Variants in USP22 observed in about 807,000 individuals in gnomAD.
USP22 encodes ubiquitin specific peptidase 22, also known as ubiquitin carboxyl-terminal hydrolase 22.
In USP22, 22 loss-of-function variants were observed where a neutral mutation model predicts 68.1. The observed-to-expected ratio is 0.32, with a 90% CI of 0.23 to 0.46. The LOEUF is 0.46. Ranked by LOEUF, USP22 falls within the 20% of genes least tolerant of loss-of-function variation. The pLI is 1.00. For missense variants in USP22, 433 were observed against 695.8 expected (o/e 0.62, Z 4.25); for synonymous variants, 279 against 274.2 (o/e 1.02, Z -0.17).
intron 2 of USP22, among the ~76,000 whole-genome samples, chr17:21,023,228 T>C (rs1394903195): frequency 4.0e-5 from 6 of 151,854 alleles, no homozygotes; most frequent in Non-Finnish European, 5.9e-5. Flanking sequence ...ACAAAAAAAA[T>C]TGTCAGGTAC....
chr17:21,025,401 C>T (rs1488601364), intron 2 of USP22, among the ~76,000 whole-genome samples: 2 of 152,136 alleles, frequency 1.3e-5, no homozygotes, highest in Non-Finnish European at 1.5e-5. Flanking sequence ...AAAGCTTGTC[C>T]ATCACTGGTG....
rs112742181 is a variant in USP22, at chr17:21,023,835, C to T, written c.305-2609G>A. Among the ~76,000 whole-genome samples the T allele has an allele frequency of 7.1e-3, 1,079 of 152,180 alleles. 13 individuals carry two copies. The highest frequency in any genetic ancestry group is 0.024 in the African/African-American group (981 of 41,510). On this transcript the variant is annotated intron_variant, in intron 2 of 12. Coordinates refer to ENST00000261497, the MANE Select transcript of USP22 (RefSeq NM_015276.2). Reference sequence around the variant, plus strand: ...CACCTCTGAGCCTCAGTTTCCCCTGCGGTAAGATGCTGATAGCAACGGTAC... The same window carrying T: ...CACCTCTGAGCCTCAGTTTCCCCTGTGGTAAGATGCTGATAGCAACGGTAC...
intron 1 of USP22, 141 bp from the exon 2 acceptor site, chr17:21,028,815 G>C (rs1972254628): frequency 2.7e-6 from 3 of 1,110,756 alleles, no homozygotes; most frequent in East Asian, 2.7e-5. Flanking sequence ...TACTACTCTA[G>C]AGGATCAGTT....
chr17:21,007,717 A>G, intron 9 of USP22, among the ~76,000 whole-genome samples, 153 bp downstream of exon 9: 1 of 152,212 alleles, frequency 6.6e-6, no homozygotes. Context: ...CACAGATGGG[A>G]GGACAATTCC....
intron 1 of USP22, 46 bp from the exon 2 acceptor site, chr17:21,028,720 G>T: frequency 6.3e-7 from 1 of 1,597,416 alleles, no homozygotes; most frequent in Non-Finnish European, 8.5e-7. Flanking sequence ...TGATAAGACA[G>T]GGGTGCTCAG....
chr17:21,028,129 C>T (rs1283820882), intron 2 of USP22, among the ~76,000 whole-genome samples: 2 of 152,148 alleles, frequency 1.3e-5, no homozygotes, highest in Admixed American at 6.5e-5. Context: ...CAATGAAACC[C>T]ATTGCTGAAG....
chr17:21,029,940 T>C (rs1972267916), intron 1 of USP22, among the ~76,000 whole-genome samples: 1 of 152,262 alleles, frequency 6.6e-6, no homozygotes, highest in Non-Finnish European at 1.5e-5. Context: ...AGGCAGTGAC[T>C]GCACAGCAGT....
At position 21,042,674 on chromosome 17, in the gene USP22, G is replaced by A; in HGVS notation, c.162C>T (p.Arg54=). The stretch of plus-strand genomic sequence containing the variant: ...GGGCTGCCGGGCGCACCTTGCGCTT[G>A]CGGGCCTCAGCCGTGCCGCTCCACA... ...CFVWSGTAEA[R]KRKAKSCICH... The change falls in exon 1 of 13, where the codon CGC becomes CGT. Residue 54 remains arginine (R), a synonymous_variant. Coordinates refer to ENST00000261497, the MANE Select transcript of USP22 (RefSeq NM_015276.2). The A allele has an allele frequency of 7.7e-7, 1 of 1,292,952 alleles. No homozygotes were observed. Among genetic ancestry groups the A allele is most frequent in the Non-Finnish European group, 9.9e-7 (1 of 1,014,136 alleles). The allele number at this position is 1,292,952 out of a possible 1,614,324, so 80.1% of individuals were successfully genotyped here.
Position 21,002,948 on chromosome 17 carries a change from G to A in USP22, c.*83C>T. 6.5e-7 allele frequency: 1 copy of A among 1,546,182 alleles called. No homozygotes were observed. Among genetic ancestry groups the A allele is most frequent in the Non-Finnish European group, 8.8e-7 (1 of 1,131,378 alleles). Reference sequence around the variant, plus strand: ...AGGCCGGGGAGGCGGCGGGAGACTTGGGGGAGGGGGGGGCCAGGGAGGATC... The same window carrying A: ...AGGCCGGGGAGGCGGCGGGAGACTTAGGGGAGGGGGGGGCCAGGGAGGATC... On this transcript the variant is annotated 3_prime_UTR_variant, in exon 13 of 13. Coordinates refer to ENST00000261497, the MANE Select transcript of USP22 (RefSeq NM_015276.2).
At chr17:21,027,540 A>G (rs1193268665) in intron 2 of USP22, among the ~76,000 whole-genome samples, 2 of 146,588 alleles carry the variant, frequency 1.4e-5, no homozygotes, top group Non-Finnish European at 3.1e-5. Flanking sequence ...CTAGGCTCAC[A>G]TGAACTATTC....
intron 11 of USP22, 117 bp downstream of exon 11, chr17:21,004,799 CTGCGGGCAGCCA>C: frequency 1.1e-6 from 1 of 944,432 alleles, no homozygotes; most frequent in Non-Finnish European, 1.6e-6. Flanking sequence ...AATAGTGGAG[CTGCGGGCAGCCA>C]AGCGGGAAGC....
At chr17:21,038,363 A>C (rs1408797619) in intron 1 of USP22, among the ~76,000 whole-genome samples, 2 of 152,206 alleles carry the variant, frequency 1.3e-5, no homozygotes, top group East Asian at 3.8e-4. Flanking sequence ...TGAGCCAGTA[A>C]AGACAGACTG....
chr17:21,039,279 A>T (rs1336197210), intron 1 of USP22, among the ~76,000 whole-genome samples: 1 of 150,250 alleles, frequency 6.7e-6, no homozygotes, highest in East Asian at 2.1e-4. Context: ...GCAATACAAG[A>T]GTTTTATGGC....
intron 2 of USP22, among the ~76,000 whole-genome samples, chr17:21,024,343 A>G (rs1972194253): frequency 6.6e-6 from 1 of 152,214 alleles, no homozygotes; most frequent in South Asian, 2.1e-4. Context: ...TCCAGTGCCT[A>G]TGTAAATCCT....
At chr17:21,040,326 A>G (rs923236992) in intron 1 of USP22, among the ~76,000 whole-genome samples, 1 of 152,234 alleles carries the variant, frequency 6.6e-6, no homozygotes, top group African/African-American at 2.4e-5. Flanking sequence ...CTGGGCCACT[A>G]GAGAGTGCTA....
chr17:21,008,520 G>T (rs1256082297), intron 8 of USP22, among the ~76,000 whole-genome samples: 1 of 152,158 alleles, frequency 6.6e-6, no homozygotes, highest in Non-Finnish European at 1.5e-5. Context: ...ATCTCAAAGG[G>T]TTCCGTTATA....
At chr17:21,014,920 A>G (rs1187155236) in intron 6 of USP22, among the ~76,000 whole-genome samples, 2 of 152,168 alleles carry the variant, frequency 1.3e-5, no homozygotes, top group African/African-American at 4.8e-5. Context: ...ACTGATTAAG[A>G]GTGAAGAAGC....
intron 2 of USP22, among the ~76,000 whole-genome samples, chr17:21,027,088 C>G (rs773905490): frequency 2.9e-4 from 44 of 151,666 alleles, no homozygotes; most frequent in Non-Finnish European, 4.9e-4. Flanking sequence ...GCCACCACGC[C>G]CAGCCTACAA....
At chr17:21,005,077 G>T in intron 10 of USP22, 87 bp from the exon 11 acceptor site, 2 of 1,459,164 alleles carry the variant, frequency 1.4e-6, no homozygotes, top group Non-Finnish European at 1.9e-6. Context: ...ACTTATCCAA[G>T]CTTGACCATG....
Sources: allele counts gnomAD v4.1 joint callset (sites outside exome capture counted in the v4.1 genomes callset), GRCh38; gene constraint gnomAD v4.1.1; transcripts MANE v1.5; gene names NCBI Gene and HGNC (gene_info 2026-07-23, HGNC 2026-07-21).